The following PPP1R14C variants were observed in gnomAD, a reference collection of about 807,000 sequenced individuals.
PPP1R14C encodes protein phosphatase 1 regulatory subunit 14C.
PPP1R14C carries 16 observed loss-of-function variants against 20.4 expected under a neutral mutation model. The ratio of observed to expected loss-of-function variants is 0.78; its 90% CI spans 0.53 to 1.19. The LOEUF (loss-of-function observed/expected upper bound fraction) is 1.19. PPP1R14C is among the 50% of genes most tolerant of loss of function. The pLI is 0.00. For synonymous variants in PPP1R14C, 91 were observed against 91.0 expected (o/e 1.00, Z 0.00); for missense variants, 211 against 220.1 (o/e 0.96, Z 0.26).
chr6:150,194,670 A>G (rs1777782076), intron 1 of PPP1R14C: 1 of 985,262 alleles, frequency 1.0e-6, no homozygotes. Flanking sequence ...TTTAGCACAA[A>G]CAGTTCTGTC....
At chr6:150,212,450 C>T (rs1475627256) in intron 1 of PPP1R14C, among the ~76,000 whole-genome samples, 1 of 148,014 alleles carries the variant, frequency 6.8e-6, no homozygotes. Context: ...TAGGGCGAGG[C>T]TCTACACTGC....
At chr6:150,221,812 T>A (rs1337704056) in intron 3 of PPP1R14C, among the ~76,000 whole-genome samples, 1 of 152,214 alleles carries the variant, frequency 6.6e-6, no homozygotes, top group Non-Finnish European at 1.5e-5. Context: ...ATTTTAATTT[T>A]TTTTGAGAAA....
intron 1 of PPP1R14C, among the ~76,000 whole-genome samples, chr6:150,211,418 T>C (rs1403557206): frequency 6.6e-6 from 1 of 152,194 alleles, no homozygotes; most frequent in Non-Finnish European, 1.5e-5. Flanking sequence ...AAGACAGTTG[T>C]TTCACTTTTT....
chr6:150,175,109 A>G (rs943438191), intron 1 of PPP1R14C, among the ~76,000 whole-genome samples: 1 of 152,248 alleles, frequency 6.6e-6, no homozygotes, highest in Non-Finnish European at 1.5e-5. Context: ...AGAAACAACA[A>G]TAACAGTAGT....
chr6:150,157,035 T>C (rs1777313321), intron 1 of PPP1R14C, among the ~76,000 whole-genome samples: 1 of 152,110 alleles, frequency 6.6e-6, no homozygotes, highest in Non-Finnish European at 1.5e-5. Context: ...CCTTTTGGGG[T>C]TTCAAAGAGG....
chr6:150,150,027 C>T lies in PPP1R14C; in HGVS notation c.306+6529C>T, dbSNP rs369979832. On this transcript the variant is annotated intron_variant, in intron 1 of 3. Coordinates refer to ENST00000361131, the MANE Select transcript of PPP1R14C (RefSeq NM_030949.3). ...ATTTTCATCATTTAAAAGTTCATAG[C>T]GGGACACAATTCTTCAACATTTAAG... 1.1e-4 allele frequency among the ~76,000 whole-genome samples: 17 copies of T among 152,222 alleles called. No individual in the cohort carries two copies. In the East Asian group the frequency reaches 2.3e-3, roughly 21 times the overall value.
intron 3 of PPP1R14C, among the ~76,000 whole-genome samples, chr6:150,228,658 C>G (rs965620687): frequency 1.3e-5 from 2 of 152,064 alleles, no homozygotes; most frequent in Non-Finnish European, 2.9e-5. Flanking sequence ...TAAATCACAT[C>G]GTTAGACTAT....
At chr6:150,236,638 T>TGTGTGC (rs1311053700) in intron 3 of PPP1R14C, among the ~76,000 whole-genome samples, 77 of 142,152 alleles carry the variant, frequency 5.4e-4, no homozygotes, top group Admixed American at 1.3e-3. Context: ...TGTGTGTGTG[T>TGTGTGC]GCGCGTGTGT....
intron 3 of PPP1R14C, among the ~76,000 whole-genome samples, chr6:150,225,666 C>A (rs1038824902): frequency 6.6e-6 from 1 of 152,184 alleles, no homozygotes. Context: ...CTCATTTAAT[C>A]TTCACAACAA....
chr6:150,182,284 A>G (rs1320648570), intron 1 of PPP1R14C, among the ~76,000 whole-genome samples: 1 of 152,170 alleles, frequency 6.6e-6, no homozygotes, highest in Non-Finnish European at 1.5e-5. Flanking sequence ...TCTCTGTTTT[A>G]ATTGCCTCAG....
At position 150,195,058 on chromosome 6, in the gene PPP1R14C, G is replaced by A. The variant is rs1349006092; in HGVS notation, c.307-19686G>A. Reference sequence around the variant, plus strand: ...AGTTATAGCCTTTTGAATATAACCTGTATGACCATCTTCAAATCTGTCTCA... The same window carrying A: ...AGTTATAGCCTTTTGAATATAACCTATATGACCATCTTCAAATCTGTCTCA... On this transcript the variant is annotated intron_variant, in intron 1 of 3. Coordinates refer to ENST00000361131, the MANE Select transcript of PPP1R14C (RefSeq NM_030949.3). 8.1e-6 allele frequency: 8 copies of A among 985,056 alleles called. No individual in the cohort carries two copies. The African/African-American group carries it at 1.2e-4, about 15-fold the overall frequency. 61.0% of individuals were successfully genotyped at this position (985,056 alleles called of 1,614,324 possible). A position where few individuals can be genotyped will look rare whatever the true frequency, so the allele number is the denominator to read the frequency against.
chr6:150,151,352 G>T (rs12332856), intron 1 of PPP1R14C, among the ~76,000 whole-genome samples: 3 of 152,028 alleles, frequency 2.0e-5, no homozygotes, highest in African/African-American at 7.2e-5. Flanking sequence ...CCAAGATTAC[G>T]TGGCATGCTT....
At chr6:150,151,351 C>T (rs1777244985) in intron 1 of PPP1R14C, among the ~76,000 whole-genome samples, 1 of 152,288 alleles carries the variant, frequency 6.6e-6, no homozygotes, top group Admixed American at 6.5e-5. Flanking sequence ...CCCAAGATTA[C>T]GTGGCATGCT....
At chr6:150,167,092 C>T (rs926862758) in intron 1 of PPP1R14C, among the ~76,000 whole-genome samples, 16 of 152,172 alleles carry the variant, frequency 1.1e-4, no homozygotes, top group African/African-American at 3.6e-4. Flanking sequence ...TTAGGCCGGG[C>T]GCGGTGGCTC....
In PPP1R14C at chr6:150,248,854, A is replaced by T; in HGVS notation, c.*34A>T. 2 of 1,417,848 alleles carry T rather than the reference A, an allele frequency of 1.4e-6. No homozygotes were observed. Among genetic ancestry groups the T allele is most frequent in the South Asian group, 2.4e-5 (2 of 84,788 alleles). The allele number at this position is 1,417,848 out of a possible 1,614,324, so 87.8% of individuals were successfully genotyped here. A position where few individuals can be genotyped will look rare whatever the true frequency, so the allele number is the denominator to read the frequency against. On this transcript the variant is annotated 3_prime_UTR_variant, in exon 4 of 4. Coordinates refer to ENST00000361131, the MANE Select transcript of PPP1R14C (RefSeq NM_030949.3). ...CAGGGTGAAACTCTCCCAGAGACGA[A>T]GAAAGAGTCCTGGGATTTGTACTTC...
intron 1 of PPP1R14C, among the ~76,000 whole-genome samples, chr6:150,160,658 G>A (rs971892706): frequency 6.6e-6 from 1 of 152,036 alleles, no homozygotes; most frequent in Non-Finnish European, 1.5e-5. Flanking sequence ...TGGGAGATTT[G>A]TCTCTTCTTC....
chr6:150,159,146 G>A (rs948343017), intron 1 of PPP1R14C, among the ~76,000 whole-genome samples: 5 of 152,098 alleles, frequency 3.3e-5, no homozygotes, highest in African/African-American at 7.2e-5. Flanking sequence ...CCTGCTCAGG[G>A]GCTGACTTCT....
intron 3 of PPP1R14C, among the ~76,000 whole-genome samples, chr6:150,234,684 A>C (rs1247476961): frequency 6.6e-6 from 1 of 151,870 alleles, no homozygotes; most frequent in African/African-American, 2.4e-5. Context: ...CCCTGTCTCT[A>C]CTAAAAATAC....
chr6:150,171,998 G>A (rs576099222), intron 1 of PPP1R14C, among the ~76,000 whole-genome samples: 4 of 151,846 alleles, frequency 2.6e-5, no homozygotes, highest in South Asian at 4.2e-4. Context: ...TAGTAGAGAC[G>A]GGGTTTGCCA....
Sources: allele counts gnomAD v4.1 joint callset (sites outside exome capture counted in the v4.1 genomes callset), GRCh38; gene constraint gnomAD v4.1.1; transcripts MANE v1.5; gene names NCBI Gene and HGNC (gene_info 2026-07-23, HGNC 2026-07-21).